Variants in DRC4 observed in about 807,000 individuals in gnomAD.
DRC4 encodes dynein regulatory complex subunit 4.
the DRC4 span, chr16:90,040,108 C>A: frequency 1.6e-6 from 1 of 620,580 alleles, no homozygotes; most frequent in South Asian, 1.9e-5. Context: ...CTGCCTTCCA[C>A]TGCGTGGATG....
chr16:90,043,548 C>T, the DRC4 span: 2 of 614,522 alleles, frequency 3.3e-6, no homozygotes, highest in Non-Finnish European at 5.8e-6. Context: ...CTGTCGCTCC[C>T]TTCCCTGGGT....
chr16:90,021,587 T>C, the DRC4 span, among the ~76,000 whole-genome samples: 1 of 151,958 alleles, frequency 6.6e-6, no homozygotes, highest in Admixed American at 6.6e-5. Flanking sequence ...GATGAGAGCT[T>C]AGGGCTGGGC....
chr16:90,037,530 C>G, the DRC4 span: 3 of 1,130,666 alleles, frequency 2.7e-6, no homozygotes, highest in African/African-American at 1.6e-5. Flanking sequence ...TTTCTCCTTT[C>G]TCTGCCTCGT....
chr16:90,037,094 A>C, the DRC4 span: 1 of 746,990 alleles, frequency 1.3e-6, no homozygotes, highest in Non-Finnish European at 2.2e-6. Flanking sequence ...TATACATAGA[A>C]GACGTCTAGG....
chr16:90,040,839 G>A, the DRC4 span, among the ~76,000 whole-genome samples: 1 of 151,640 alleles, frequency 6.6e-6, no homozygotes, highest in Non-Finnish European at 1.5e-5. Flanking sequence ...GGGCCGAGGT[G>A]ACTTGGTGTT....
chr16:90,043,331 G>A, the DRC4 span: 2 of 1,601,568 alleles, frequency 1.2e-6, no homozygotes, highest in Admixed American at 3.4e-5. Context: ...GGGACTGGTG[G>A]GCACCCCGAC....
chr16:90,021,780 G>A, the DRC4 span, among the ~76,000 whole-genome samples: 1 of 149,870 alleles, frequency 6.7e-6, no homozygotes, highest in South Asian at 2.1e-4. Flanking sequence ...GAGGTGGGAG[G>A]ATTGCTTGAG....
At chr16:90,044,894 A>AT in the DRC4 span, 1 of 219,456 alleles carries the variant, frequency 4.6e-6, no homozygotes, top group Non-Finnish European at 9.3e-6. Context: ...GCTGGCATAT[A>AT]TTTTTCCAGA....
the DRC4 span, chr16:90,036,621 C>G: frequency 1.9e-6 from 3 of 1,540,084 alleles, no homozygotes; most frequent in Non-Finnish European, 1.8e-6. Context: ...GAGGCACACT[C>G]TGCCTGTCCT....
chr16:90,035,987 AGTCTTCTCCATGGCTCCTG>A, the DRC4 span: 2 of 1,123,062 alleles, frequency 1.8e-6, no homozygotes, highest in Non-Finnish European at 2.4e-6. Flanking sequence ...TTCTTAAAAT[AGTCTTCTCCATGGCTCCTG>A]GTCTGAGAAG....
the DRC4 span, chr16:90,040,078 C>G: frequency 1.7e-6 from 1 of 589,446 alleles, no homozygotes; most frequent in Non-Finnish European, 3.0e-6. Flanking sequence ...GAGAGAAGGG[C>G]TTATGCTGAT....
chr16:90,042,210 A>G, the DRC4 span: 1 of 535,130 alleles, frequency 1.9e-6, no homozygotes, highest in Non-Finnish European at 3.6e-6. Flanking sequence ...TGCTGGGATC[A>G]CAGGTGTGAG....
chr16:90,022,433 A>G, the DRC4 span, among the ~76,000 whole-genome samples: 12 of 152,342 alleles, frequency 7.9e-5, no homozygotes, highest in Non-Finnish European at 1.2e-4. Context: ...ATAGAAGTGA[A>G]GGGTTCCCCC....
chr16:90,031,964 G>T, the DRC4 span, among the ~76,000 whole-genome samples: 1 of 151,938 alleles, frequency 6.6e-6, no homozygotes, highest in South Asian at 2.1e-4. Context: ...AGGTGAGCAC[G>T]TGGGGCAGGT....
At chr16:90,040,589 G>A in the DRC4 span, 75 of 1,301,556 alleles carry the variant, frequency 5.8e-5, no homozygotes, top group Admixed American at 1.4e-3. Context: ...GCTGCTCCTC[G>A]GATAGGCACA....
the DRC4 span, chr16:90,019,971 G>A: frequency 1.0e-5 from 7 of 698,412 alleles, no homozygotes; most frequent in Admixed American, 2.0e-5. This position sits in a 1 kb window ranked among gnomAD's most constrained non-coding sequence, Gnocchi z 6.1. Flanking sequence ...GTAAGGAGAG[G>A]GCGGCGGGCC....
At chr16:90,031,450 A>T in the DRC4 span, 2 of 1,602,898 alleles carry the variant, frequency 1.2e-6, no homozygotes, top group South Asian at 2.2e-5. Flanking sequence ...CGGAACAAAG[A>T]CCGGGAGATG....
chr16:90,040,461 C>A, the DRC4 span: 1 of 1,610,246 alleles, frequency 6.2e-7, no homozygotes. Context: ...TCCTGGCTGC[C>A]TCTAACCTGG....
the DRC4 span, chr16:90,031,564 A>G: frequency 6.8e-7 from 1 of 1,466,942 alleles, no homozygotes; most frequent in Non-Finnish European, 9.2e-7. Flanking sequence ...GGATCCAGTG[A>G]GGGTGCAGGT....
Sources: allele counts gnomAD v4.1 joint callset (sites outside exome capture counted in the v4.1 genomes callset), GRCh38; gene constraint gnomAD v4.1.1; non-coding constraint Gnocchi (gnomAD v3.1); transcripts MANE v1.5; gene names NCBI Gene and HGNC (gene_info 2026-07-23, HGNC 2026-07-21).